The following ADAM32 variants were observed in gnomAD, a reference collection of about 807,000 sequenced individuals.
The protein encoded by ADAM32 is disintegrin and metalloproteinase domain-containing protein 32.
A neutral mutation model predicts 114.9 loss-of-function variants in ADAM32; 89 were observed. That is an observed-to-expected ratio of 0.77 (90% CI 0.65 to 0.92). ADAM32 has a LOEUF of 0.92. Ranked by LOEUF, ADAM32 falls within the 40% of genes least tolerant of loss-of-function variation. The probability of loss-of-function intolerance (pLI) is 0.00; values close to 1 mark genes in which losing one functional copy is unlikely to be tolerated. For missense variants in ADAM32, 870 were observed against 932.8 expected, an observed-to-expected ratio of 0.93 and a Z score of 0.88; for synonymous variants, 285 against 307.5, an observed-to-expected ratio of 0.93 and a Z score of 0.77.
upstream of ADAM32, chr8:39,107,708 G>A: frequency 6.5e-7 from 1 of 1,548,040 alleles, no homozygotes; most frequent in African/African-American, 1.4e-5. Context: ...CGGCGTCCGC[G>A]CGTCCCCGCG....
chr8:39,201,055 C>T (rs1035130981), intron 11 of ADAM32, among the ~76,000 whole-genome samples: 11 of 152,242 alleles, frequency 7.2e-5, no homozygotes, highest in East Asian at 5.8e-4. Context: ...AGTCAGGTAG[C>T]GTGATGCCTC....
chr8:39,121,174 T>C (rs1456766567), intron 2 of ADAM32, among the ~76,000 whole-genome samples: 2 of 152,190 alleles, frequency 1.3e-5, no homozygotes, highest in African/African-American at 4.8e-5. Flanking sequence ...AGATTCCTCA[T>C]GATTTAATCC....
intron 4 of ADAM32, among the ~76,000 whole-genome samples, chr8:39,149,353 T>A (rs1432198336): frequency 6.6e-6 from 1 of 152,180 alleles, no homozygotes; most frequent in East Asian, 1.9e-4. Flanking sequence ...CCTCTCTTAG[T>A]GCAAATTCAG....
intron 7 of ADAM32, among the ~76,000 whole-genome samples, chr8:39,162,612 A>C (rs1426747921): frequency 1.3e-5 from 2 of 152,064 alleles, no homozygotes; most frequent in Admixed American, 1.3e-4. Context: ...TGTGGAAGAC[A>C]GTGTGATGAT....
intron 11 of ADAM32, among the ~76,000 whole-genome samples, chr8:39,191,468 CATT>C (rs1156473311): frequency 1.3e-5 from 2 of 152,154 alleles, no homozygotes; most frequent in Admixed American, 6.5e-5. Context: ...GACGGTATCT[CATT>C]GTAGTTTTGA....
chr8:39,222,860 T>C (rs1386723788), intron 13 of ADAM32, among the ~76,000 whole-genome samples, 180 bp from the exon 14 acceptor site: 1 of 152,156 alleles, frequency 6.6e-6, no homozygotes, highest in Non-Finnish European at 1.5e-5. Flanking sequence ...TCTCCTATTT[T>C]AGTCAATAAC....
At chr8:39,116,831 GC>G (rs1177546886) in intron 1 of ADAM32, among the ~76,000 whole-genome samples, 1 of 152,026 alleles carries the variant, frequency 6.6e-6, no homozygotes, top group African/African-American at 2.4e-5. Context: ...TAGAGAAAAG[GC>G]TTTCAACTTT....
chr8:39,118,237 T>C, intron 2 of ADAM32, 72 bp downstream of exon 2: 1 of 902,598 alleles, frequency 1.1e-6, no homozygotes, highest in Non-Finnish European at 1.6e-6. Flanking sequence ...CTATGAAATA[T>C]GTCAAGCCCA....
chr8:39,166,550 A>G (rs1229324409), intron 9 of ADAM32: 2 of 152,168 alleles, frequency 1.3e-5, no homozygotes, highest in South Asian at 4.1e-4. Context: ...CTGGGTAGAT[A>G]CCCAGTAGTG....
intron 3 of ADAM32, among the ~76,000 whole-genome samples, chr8:39,143,289 T>C (rs1192910390): frequency 2.0e-5 from 3 of 152,224 alleles, no homozygotes; most frequent in African/African-American, 7.2e-5. Context: ...GAAGAGGCAC[T>C]CTGTTTTTTT....
At chr8:39,126,851 C>T (rs577750937) in intron 2 of ADAM32, among the ~76,000 whole-genome samples, 17 of 152,154 alleles carry the variant, frequency 1.1e-4, no homozygotes, top group African/African-American at 4.1e-4. Context: ...CTTTCAATAC[C>T]TAGTTTACTG....
At chr8:39,146,178 G>A (rs1272327279) in intron 3 of ADAM32, among the ~76,000 whole-genome samples, 1 of 152,174 alleles carries the variant, frequency 6.6e-6, no homozygotes, top group Non-Finnish European at 1.5e-5. Context: ...GTGGGTTGAA[G>A]AGTGAACATG....
rs112930782 is a variant in ADAM32 at position 39,273,233 on chromosome 8, C to T, written c.2202-1079C>T. 6.8e-3 allele frequency among the ~76,000 whole-genome samples: 1,035 copies of T among 152,022 alleles called. 17 individuals carry two copies. Among genetic ancestry groups the T allele is most frequent in the African/African-American group, 0.024 (980 of 41,454 alleles). On this transcript the variant is annotated intron_variant, in intron 20 of 24. Transcript: ENST00000379907. ...TAAAAAGGACAGTATAGGCCTGGCG[C>T]GGTGGCTCACTCCTGTAATCCCAGC...
intron 12 of ADAM32, among the ~76,000 whole-genome samples, chr8:39,218,330 A>G (rs1307733515): frequency 6.6e-6 from 1 of 151,974 alleles, no homozygotes; most frequent in African/African-American, 2.4e-5. Flanking sequence ...TCAGCATGGC[A>G]CTGGGTCTCA....
intron 6 of ADAM32, among the ~76,000 whole-genome samples, chr8:39,158,852 C>T (rs1207511851): frequency 2.0e-5 from 3 of 152,066 alleles, no homozygotes; most frequent in Non-Finnish European, 2.9e-5. Flanking sequence ...TACTTTTTAG[C>T]TCCACAATTT....
intron 3 of ADAM32, among the ~76,000 whole-genome samples, chr8:39,145,733 A>G (rs1254654273): frequency 6.6e-6 from 1 of 151,852 alleles, no homozygotes; most frequent in African/African-American, 2.4e-5. Flanking sequence ...AATTATTTTT[A>G]TTATTTATTT....
intron 14 of ADAM32, among the ~76,000 whole-genome samples, chr8:39,225,608 C>T (rs1471599536): frequency 1.3e-5 from 2 of 152,130 alleles, no homozygotes; most frequent in Admixed American, 1.3e-4. Flanking sequence ...ATTGAAAACC[C>T]AACAGTCTCA....
At chr8:39,231,945 A>G in intron 14 of ADAM32, 82 bp from the exon 15 acceptor site, 1 of 1,117,714 alleles carries the variant, frequency 8.9e-7, no homozygotes, top group Non-Finnish European at 1.3e-6. Flanking sequence ...ATGGAGAGAT[A>G]AAGGGAATAT....
At chr8:39,273,420 A>T (rs1812861116) in intron 20 of ADAM32, among the ~76,000 whole-genome samples, 1 of 152,084 alleles carries the variant, frequency 6.6e-6, no homozygotes, top group South Asian at 2.1e-4. Context: ...CCAGCTACTC[A>T]GGAGGGTGAG....
Sources: gnomAD v4.1 joint callset for allele counts (sites outside exome capture counted in the v4.1 genomes callset) on GRCh38, gnomAD v4.1.1 for gene constraint, MANE v1.5 for transcripts, NCBI Gene and HGNC (gene_info 2026-07-23, HGNC 2026-07-21) for gene names.